The following ADCY10 variants were observed in gnomAD, a reference collection of about 807,000 sequenced individuals.
ADCY10 encodes the protein adenylate cyclase type 10.
In ADCY10, 156 loss-of-function variants were observed where a neutral mutation model predicts 183.3. The observed-to-expected ratio is 0.85, with a 90% confidence interval of 0.75 to 0.97. The LOEUF (loss-of-function observed/expected upper bound fraction) is 0.97. ADCY10 is among the 50% of genes least tolerant of loss of function. ADCY10 has a pLI of 0.00. For missense variants in ADCY10, 1,745 were observed against 1,934.3 expected, an observed-to-expected ratio of 0.90 and a Z score of 1.84; for synonymous variants, 645 against 670.0, an observed-to-expected ratio of 0.96 and a Z score of 0.58.
At chr1:167,820,612 A>G in intron 30 of ADCY10, 1 of 193,004 alleles carries the variant, frequency 5.2e-6, no homozygotes, top group Non-Finnish European at 1.0e-5. Context: ...CAATTTTTGG[A>G]TTTTAATTTC....
chr1:167,831,564 A>C (rs1663739731), intron 25 of ADCY10, among the ~76,000 whole-genome samples: 1 of 152,204 alleles, frequency 6.6e-6, no homozygotes, highest in Non-Finnish European at 1.5e-5. Flanking sequence ...GTTCCATGTC[A>C]TACTCATTTT....
chr1:167,818,926 G>A (rs1322345279), intron 30 of ADCY10, among the ~76,000 whole-genome samples: 3 of 152,132 alleles, frequency 2.0e-5, no homozygotes, highest in African/African-American at 7.2e-5. Flanking sequence ...CAATACCAAA[G>A]AGAGATGATT....
intron 26 of ADCY10, among the ~76,000 whole-genome samples, chr1:167,828,408 C>T (rs1663471894): frequency 2.0e-5 from 3 of 152,146 alleles, no homozygotes; most frequent in African/African-American, 7.2e-5. Context: ...AAGAATTATC[C>T]TTTAACATTT....
At chr1:167,862,300 G>C (rs1322169164) in intron 14 of ADCY10, among the ~76,000 whole-genome samples, 2 of 152,210 alleles carry the variant, frequency 1.3e-5, no homozygotes, top group East Asian at 1.9e-4. Context: ...GATCATGCTA[G>C]AGTAGGGTAG....
intron 14 of ADCY10, among the ~76,000 whole-genome samples, chr1:167,868,611 A>G (rs1473422066): frequency 7.2e-6 from 1 of 139,606 alleles, no homozygotes; most frequent in Non-Finnish European, 1.5e-5. Context: ...ACCTACGCTA[A>G]GCTGCCTGAC....
chr1:167,846,014 G>A lies in ADCY10; in HGVS notation c.2687C>T (p.Ser896Phe). 1 of 1,614,206 alleles carries A rather than the reference G, an allele frequency of 6.2e-7. No individual in the cohort carries two copies. Among genetic ancestry groups the A allele is most frequent in the Non-Finnish European group, 8.5e-7 (1 of 1,180,038 alleles). The change falls in exon 20 of 33, where the codon TCC (serine) becomes TTC (phenylalanine). Residue 896 changes from serine (S) to phenylalanine (F), a missense_variant. Physicochemically the swap from Ser to Phe is radical, Grantham distance 155. Coordinates refer to ENST00000367851, the MANE Select transcript of ADCY10 (RefSeq NM_018417.6). ...NDPSFEVHYR[S>F]LSLKPSEGMD... ...CCCTTCACTGGGCTTCAGAGACAAG[G>A]AACGATAGTGCACCTCAAATGAGGG...
At chr1:167,856,123 T>C in intron 17 of ADCY10, 42 bp downstream of exon 17, 1 of 1,606,394 alleles carries the variant, frequency 6.2e-7, no homozygotes, top group Non-Finnish European at 8.5e-7. Context: ...CGAGGGAATG[T>C]ATGCAGATGT....
intron 21 of ADCY10, among the ~76,000 whole-genome samples, chr1:167,840,507 C>G (rs1052110449): frequency 6.6e-6 from 1 of 151,918 alleles, no homozygotes; most frequent in Non-Finnish European, 1.5e-5. Context: ...TAGGCGTGTC[C>G]CACCATGCCT....
chr1:167,903,855 T>G, intron 3 of ADCY10, 32 bp downstream of exon 3: 2 of 1,498,992 alleles, frequency 1.3e-6, no homozygotes, highest in Non-Finnish European at 1.9e-6. Context: ...AATTGAAATA[T>G]TCTCAAGCCA....
chr1:167,906,379 G>T (rs960529649), intron 1 of ADCY10, among the ~76,000 whole-genome samples: 3 of 151,488 alleles, frequency 2.0e-5, no homozygotes, highest in Non-Finnish European at 4.4e-5. Context: ...AAAAAAAAGG[G>T]TAGCATTAAA....
intron 8 of ADCY10, among the ~76,000 whole-genome samples, chr1:167,891,557 G>A (rs1668593607): frequency 1.3e-5 from 2 of 151,410 alleles, no homozygotes; most frequent in Non-Finnish European, 1.5e-5. Context: ...TCAGGAGGCT[G>A]AGGCAGGAGA....
intron 14 of ADCY10, among the ~76,000 whole-genome samples, chr1:167,862,602 G>T (rs1012606348): frequency 4.6e-5 from 7 of 152,188 alleles, no homozygotes; most frequent in African/African-American, 1.7e-4. Flanking sequence ...CTTTTTTACA[G>T]AGGCCCCGGC....
intron 3 of ADCY10, among the ~76,000 whole-genome samples, chr1:167,902,881 G>A (rs1669536502): frequency 6.6e-6 from 1 of 152,210 alleles, no homozygotes; most frequent in South Asian, 2.1e-4. Context: ...TTATTGAGAA[G>A]CTAATTATAA....
chr1:167,866,865 A>G (rs1666735690), intron 14 of ADCY10, among the ~76,000 whole-genome samples: 1 of 152,064 alleles, frequency 6.6e-6, no homozygotes, highest in Admixed American at 6.5e-5. Flanking sequence ...AAACAACTAG[A>G]TGGGGTTTCC....
In ADCY10 at chr1:167,904,977, T is replaced by C; in HGVS notation, c.148+16A>G. 2 of 1,614,172 alleles carry C rather than the reference T, an allele frequency of 1.2e-6. No individual in the cohort carries two copies. The highest frequency in any genetic ancestry group is 1.7e-6 in the Non-Finnish European group (2 of 1,180,018). Reference sequence around the variant, plus strand: ...GTTGCTCATCCACATTAAACAAACATCCCTTTTGCACTTGCCTGAAATATC... The same window carrying C: ...GTTGCTCATCCACATTAAACAAACACCCCTTTTGCACTTGCCTGAAATATC... On this transcript the variant is annotated intron_variant, in intron 2 of 32. Coordinates refer to ENST00000367851, the MANE Select transcript of ADCY10 (RefSeq NM_018417.6).
intron 31 of ADCY10, among the ~76,000 whole-genome samples, chr1:167,817,334 C>T (rs1041961610): frequency 3.3e-5 from 5 of 152,210 alleles, no homozygotes; most frequent in Non-Finnish European, 5.9e-5. Flanking sequence ...CACTGCACTC[C>T]AGCCTGGGTG....
chr1:167,872,167 C>T (rs543203275), intron 13 of ADCY10, among the ~76,000 whole-genome samples: 22 of 152,112 alleles, frequency 1.4e-4, no homozygotes, highest in Admixed American at 3.9e-4. Flanking sequence ...GGAGAAACCC[C>T]GTCTCTATTA....
At chr1:167,822,854 T>A (rs1406785305) in intron 29 of ADCY10, among the ~76,000 whole-genome samples, 154 bp downstream of exon 29, 1 of 152,048 alleles carries the variant, frequency 6.6e-6, no homozygotes, top group East Asian at 1.9e-4. Context: ...AGACAGTGCT[T>A]CAGCTCACAC....
chr1:167,818,539 C>CT, intron 30 of ADCY10: 3 of 488,256 alleles, frequency 6.1e-6, no homozygotes, highest in Middle Eastern at 4.6e-4. Context: ...TTGGCTTTGG[C>CT]TTTTTTTCTT....
Sources: allele counts gnomAD v4.1 joint callset (sites outside exome capture counted in the v4.1 genomes callset), GRCh38; gene constraint gnomAD v4.1.1; transcripts MANE v1.5; gene names NCBI Gene and HGNC (gene_info 2026-07-23, HGNC 2026-07-21).